NRXN3: variants seen among roughly 807,000 people sequenced by gnomAD.
NRXN3 encodes neurexin III.
In NRXN3, 32 loss-of-function variants were observed where a neutral mutation model predicts 137.6. The ratio of observed to expected loss-of-function variants is 0.23; its 90% CI spans 0.18 to 0.31. The LOEUF (loss-of-function observed/expected upper bound fraction) is 0.31. Ranked by LOEUF, NRXN3 falls within the 10% of genes least tolerant of loss-of-function variation. The pLI, the probability that NRXN3 is intolerant of heterozygous loss-of-function variation, is 1.00. For missense variants in NRXN3, 1,574 were observed against 2,062.5 expected (o/e 0.76, Z 4.59); for synonymous variants, 798 against 784.5 (o/e 1.02, Z -0.29).
chr14:78,494,690 A>G (rs575767392), intron 4 of NRXN3, among the ~76,000 whole-genome samples: 80 of 152,326 alleles, frequency 5.3e-4, no homozygotes, highest in Non-Finnish European at 9.1e-4. Context: ...CCTGATTCAG[A>G]TAGAGATATC....
At chr14:79,727,914 C>T (rs1330376201) in intron 19 of NRXN3, among the ~76,000 whole-genome samples, 1 of 152,088 alleles carries the variant, frequency 6.6e-6, no homozygotes, top group Non-Finnish European at 1.5e-5. Flanking sequence ...TCCTCAGAGC[C>T]CTGGATGCAG....
chr14:78,883,496 G>C (rs1045650032), intron 10 of NRXN3, among the ~76,000 whole-genome samples: 1 of 152,208 alleles, frequency 6.6e-6, no homozygotes, highest in African/African-American at 2.4e-5. Flanking sequence ...AGTAAAGTCA[G>C]GCTGGGAAAA....
At chr14:78,373,518 T>C (rs1426203309) in intron 4 of NRXN3, among the ~76,000 whole-genome samples, 2 of 152,204 alleles carry the variant, frequency 1.3e-5, no homozygotes, top group Admixed American at 6.5e-5. Context: ...TTGTGTATCT[T>C]TTCTATGGTA....
chr14:79,669,395 A>G (rs1482397843), intron 17 of NRXN3, among the ~76,000 whole-genome samples: 1 of 152,114 alleles, frequency 6.6e-6, no homozygotes, highest in Non-Finnish European at 1.5e-5. Context: ...CAGTCACAAA[A>G]TGTATCAATT....
At chr14:79,290,025 C>G (rs1416883512) in intron 15 of NRXN3, among the ~76,000 whole-genome samples, 1 of 151,924 alleles carries the variant, frequency 6.6e-6, no homozygotes, top group Non-Finnish European at 1.5e-5. Context: ...TTCCTCTCAC[C>G]CCCCCACGTT....
In NRXN3 at chr14:78,995,964, A is replaced by G. The variant is rs576936358; in HGVS notation, c.3262+7823A>G. ...ACAAAAATCTACAGGTTCAGAGGGC[A>G]TCTTCTGTACTCTGGGCCCCCGCTA... On this transcript the variant is annotated intron_variant, in intron 15 of 20. Coordinates refer to ENST00000335750, the MANE Select transcript of NRXN3 (RefSeq NM_001330195.2). Among the ~76,000 whole-genome samples, 16 of 152,196 alleles carry G rather than the reference A, an allele frequency of 1.1e-4. 1 individual carries two copies. In the South Asian group the frequency reaches 3.3e-3, roughly 32 times the overall value.
intron 15 of NRXN3, among the ~76,000 whole-genome samples, chr14:79,117,124 C>T (rs2054582477): frequency 1.3e-5 from 2 of 152,196 alleles, no homozygotes. Context: ...CACACATAGT[C>T]CTTGTCCTAC....
rs189827841 is a variant in NRXN3, at chr14:79,667,799, G to A, written c.3616+3850G>A. ...ACAATGCGGTGGTAGGAACAAGGGA[G>A]GGGGGGTGAAAGGTGACTTGAGTAT... On this transcript the variant is annotated intron_variant, in intron 17 of 20. Transcript: ENST00000335750. Among the ~76,000 whole-genome samples the A allele has an allele frequency of 8.9e-3, 1,353 of 151,622 alleles. 19 individuals carry two copies. Among genetic ancestry groups the A allele is most frequent in the African/African-American group, 0.031 (1,293 of 41,152 alleles).
At chr14:79,369,088 T>C (rs2093998453) in intron 15 of NRXN3, among the ~76,000 whole-genome samples, 1 of 152,168 alleles carries the variant, frequency 6.6e-6, no homozygotes, top group African/African-American at 2.4e-5. Flanking sequence ...AAAGAAGAGT[T>C]GTTCTGAAAA....
chr14:78,277,765 A>T (rs1314258202), intron 2 of NRXN3, among the ~76,000 whole-genome samples: 1 of 152,088 alleles, frequency 6.6e-6, no homozygotes, highest in Non-Finnish European at 1.5e-5. Flanking sequence ...ATTCTATTTC[A>T]CATCTGAGGG....
rs919852603 is a variant in NRXN3 at position 79,027,941 on chromosome 14, C to T, written c.3262+39800C>T. On this transcript the variant is annotated intron_variant, in intron 15 of 20. Transcript: ENST00000335750. ...ACATAAGCTTTTGGCTTACTGCTTA[C>T]TAGCTGTGTGGCCTTGGGCAAGTTA... Among the ~76,000 whole-genome samples, 11 of 152,112 alleles carry T rather than the reference C, an allele frequency of 7.2e-5. 1 individual carries two copies. The highest frequency in any genetic ancestry group is 2.7e-4 in the African/African-American group (11 of 41,422).
intron 15 of NRXN3, among the ~76,000 whole-genome samples, chr14:79,135,057 CTT>C (rs2058081014): frequency 6.6e-6 from 1 of 152,106 alleles, no homozygotes; most frequent in African/African-American, 2.4e-5. Flanking sequence ...TTTACTCTCT[CTT>C]GTATATGTTT....
intron 10 of NRXN3, among the ~76,000 whole-genome samples, chr14:78,940,548 G>A (rs2099351109): frequency 6.6e-6 from 1 of 152,122 alleles, no homozygotes; most frequent in Non-Finnish European, 1.5e-5. Context: ...ACTAGTCAAT[G>A]TCCAGTGTGT....
rs538815750 is a variant in NRXN3 at position 78,520,654 on chromosome 14, A to G, written c.758-124466A>G. Among the ~76,000 whole-genome samples the G allele has an allele frequency of 3.2e-4, 49 of 152,348 alleles. 1 individual carries two copies. The South Asian group carries it at 0.01, about 32-fold the overall frequency. On this transcript the variant is annotated intron_variant, in intron 4 of 20. Coordinates refer to ENST00000335750, the MANE Select transcript of NRXN3 (RefSeq NM_001330195.2). Reference sequence around the variant, plus strand: ...TTTATTTTGAAGCCTCAGTATCCTTATTTGTAAAATGTAGACAGGTTATTC... The same window carrying G: ...TTTATTTTGAAGCCTCAGTATCCTTGTTTGTAAAATGTAGACAGGTTATTC...
chr14:79,779,277 G>A (rs1047199581), intron 19 of NRXN3, among the ~76,000 whole-genome samples: 1 of 152,014 alleles, frequency 6.6e-6, no homozygotes, highest in Non-Finnish European at 1.5e-5. Context: ...CCCATGCCCG[G>A]CTTTTTTGTA....
chr14:79,752,428 T>A (rs1420091542), intron 19 of NRXN3, among the ~76,000 whole-genome samples: 1 of 152,130 alleles, frequency 6.6e-6, no homozygotes, highest in Non-Finnish European at 1.5e-5. Flanking sequence ...TCTACAACTA[T>A]CTGATCTTTG....
intron 15 of NRXN3, among the ~76,000 whole-genome samples, chr14:79,322,829 AG>A (rs1438750922): frequency 2.6e-5 from 4 of 152,208 alleles, no homozygotes; most frequent in African/African-American, 9.6e-5. Context: ...AGTGCTAGTC[AG>A]GCTTAATAAA....
intron 19 of NRXN3, among the ~76,000 whole-genome samples, chr14:79,763,242 T>C (rs947652721): frequency 6.6e-6 from 1 of 151,060 alleles, no homozygotes; most frequent in Non-Finnish European, 1.5e-5. Context: ...GGTGTATACG[T>C]GCCACATTTT....
chr14:78,903,974 G>A (rs961282933), intron 10 of NRXN3, among the ~76,000 whole-genome samples: 11 of 151,986 alleles, frequency 7.2e-5, no homozygotes, highest in African/African-American at 2.2e-4. Flanking sequence ...TCACATTTAC[G>A]GCACACTCCT....
Sources: gnomAD v4.1 joint callset for allele counts (sites outside exome capture counted in the v4.1 genomes callset) on GRCh38, gnomAD v4.1.1 for gene constraint, MANE v1.5 for transcripts, NCBI Gene and HGNC (gene_info 2026-07-23, HGNC 2026-07-21) for gene names.